OSBPL8: variants seen among roughly 807,000 people sequenced by gnomAD.
OSBPL8 encodes the protein oxysterol binding protein like 8, also known as oxysterol-binding protein-related protein 8.
Under a neutral mutation model 125.5 loss-of-function variants are expected in OSBPL8, and 59 were observed. The ratio of observed to expected loss-of-function variants is 0.47; its 90% CI spans 0.38 to 0.58. OSBPL8 has a LOEUF of 0.58. OSBPL8 is among the 20% of genes least tolerant of loss of function. The pLI, the probability that OSBPL8 is intolerant of heterozygous loss-of-function variation, is 0.00. For missense variants in OSBPL8, 758 were observed against 1,047.8 expected (o/e 0.72, Z 3.82); for synonymous variants, 330 against 338.9 (o/e 0.97, Z 0.29).
intron 1 of OSBPL8, among the ~76,000 whole-genome samples, chr12:76,542,480 C>T (rs1046805829): frequency 1.3e-5 from 2 of 152,216 alleles, no homozygotes; most frequent in Admixed American, 1.3e-4. Flanking sequence ...TCACAATCAT[C>T]TGGAGGGCTT....
intron 21 of OSBPL8, among the ~76,000 whole-genome samples, chr12:76,363,796 T>G (rs1300965735): frequency 1.3e-5 from 2 of 152,146 alleles, no homozygotes; most frequent in Admixed American, 1.3e-4. Flanking sequence ...TACAAGGAAC[T>G]TAAACAAATT....
intron 22 of OSBPL8, among the ~76,000 whole-genome samples, chr12:76,358,469 A>G (rs977336449): frequency 6.6e-6 from 1 of 151,976 alleles, no homozygotes; most frequent in African/African-American, 2.4e-5. Context: ...GGCATGAGCC[A>G]CCACACCCTG....
chr12:76,430,415 G>C (rs1054188534), intron 4 of OSBPL8, among the ~76,000 whole-genome samples: 1 of 152,158 alleles, frequency 6.6e-6, no homozygotes, highest in African/African-American at 2.4e-5. Flanking sequence ...TTTATCTGTT[G>C]AATTCAGTCT....
At chr12:76,481,396 G>T (rs1360460358) in intron 2 of OSBPL8, among the ~76,000 whole-genome samples, 1 of 152,096 alleles carries the variant, frequency 6.6e-6, no homozygotes, top group Non-Finnish European at 1.5e-5. Context: ...GCCAATTATT[G>T]GGAAGTTGTA....
At chr12:76,457,443 C>A (rs1402622363) in intron 3 of OSBPL8, among the ~76,000 whole-genome samples, 1 of 152,078 alleles carries the variant, frequency 6.6e-6, no homozygotes, top group African/African-American at 2.4e-5. Context: ...ATATACCTAA[C>A]CTTTCCTTTA....
At chr12:76,446,512 A>G (rs926268475) in intron 4 of OSBPL8, among the ~76,000 whole-genome samples, 5 of 152,166 alleles carry the variant, frequency 3.3e-5, no homozygotes, top group African/African-American at 1.2e-4. Flanking sequence ...AAGTGCAAAT[A>G]AAGATATGAC....
In OSBPL8 at chr12:76,354,104, A is replaced by G. The variant is rs1249762218; in HGVS notation, c.*1785T>C. ...AATTGTACAATATTTACAGAATATCATATATCAATGAATAGGCAGAGTGTA... is the reference window on the plus strand; with the variant it reads ...AATTGTACAATATTTACAGAATATCGTATATCAATGAATAGGCAGAGTGTA... On this transcript the variant is annotated 3_prime_UTR_variant, in exon 24 of 24. Coordinates refer to ENST00000261183, the MANE Select transcript of OSBPL8 (RefSeq NM_020841.5). The G allele has an allele frequency of 6.6e-6, 1 of 152,410 alleles. No homozygotes were observed. Among genetic ancestry groups the G allele is most frequent in the African/African-American group, 2.4e-5 (1 of 41,462 alleles). 9.4% of individuals were successfully genotyped at this position (152,410 alleles called of 1,614,324 possible).
At position 76,356,797 on chromosome 12, in the gene OSBPL8, G is replaced by A. The variant is rs1308100890; in HGVS notation, c.2435-69C>T. ...TACAGTTCAATTTAATGTGTCTCAT[G>A]TAATAAAAATTTTCCTGGGCATTTG... On this transcript the variant is annotated intron_variant, in intron 22 of 23. Coordinates refer to ENST00000261183, the MANE Select transcript of OSBPL8 (RefSeq NM_020841.5). 6 of 1,086,706 alleles carry A rather than the reference G, an allele frequency of 5.5e-6. No homozygotes were observed. In the Admixed American group the frequency reaches 1.2e-4, roughly 23 times the overall value. 67.3% of individuals were successfully genotyped at this position (1,086,706 alleles called of 1,614,324 possible).
At chr12:76,453,435 C>A (rs1873657647) in intron 3 of OSBPL8, among the ~76,000 whole-genome samples, 2 of 152,028 alleles carry the variant, frequency 1.3e-5, no homozygotes, top group African/African-American at 4.8e-5. Context: ...CTTTCAGAAA[C>A]AGACACATAC....
At chr12:76,460,826 A>G (rs1874632950) in intron 2 of OSBPL8, among the ~76,000 whole-genome samples, 1 of 152,234 alleles carries the variant, frequency 6.6e-6, no homozygotes, top group African/African-American at 2.4e-5. Context: ...ATGCAGTAAC[A>G]GAAACAAAAA....
At chr12:76,516,871 G>A (rs1289502726) in intron 1 of OSBPL8, among the ~76,000 whole-genome samples, 1 of 149,704 alleles carries the variant, frequency 6.7e-6, no homozygotes, top group Admixed American at 6.7e-5. Context: ...CTGGAGTGCA[G>A]TGGCGCAGTA....
chr12:76,399,683 T>C (rs1266642786), intron 7 of OSBPL8, among the ~76,000 whole-genome samples, 190 bp downstream of exon 7: 1 of 152,198 alleles, frequency 6.6e-6, no homozygotes, highest in African/African-American at 2.4e-5. Context: ...AAGAAAGACA[T>C]TAAGATTCCT....
At chr12:76,518,570 C>T (rs954966608) in intron 1 of OSBPL8, among the ~76,000 whole-genome samples, 2 of 152,246 alleles carry the variant, frequency 1.3e-5, no homozygotes, top group Non-Finnish European at 2.9e-5. Flanking sequence ...TTCCCCTCCA[C>T]ACTGCCCTAG....
At chr12:76,423,617 C>G (rs911006672) in intron 4 of OSBPL8, among the ~76,000 whole-genome samples, 31 of 152,268 alleles carry the variant, frequency 2.0e-4, no homozygotes, top group South Asian at 4.1e-4. Context: ...TTAAATCTAA[C>G]AGGTACCATC....
intron 7 of OSBPL8, 149 bp from the exon 8 acceptor site, chr12:76,398,046 C>T: frequency 4.3e-6 from 3 of 699,848 alleles, no homozygotes; most frequent in East Asian, 2.7e-5. Context: ...GCAAGCACAG[C>T]AAACAGACAT....
intron 4 of OSBPL8, among the ~76,000 whole-genome samples, chr12:76,414,529 T>G (rs1868382320): frequency 1.3e-5 from 2 of 148,418 alleles, no homozygotes; most frequent in South Asian, 4.4e-4. Flanking sequence ...CTCAGCTCAC[T>G]GCAGCCTCGA....
intron 2 of OSBPL8, among the ~76,000 whole-genome samples, chr12:76,472,479 C>CG (rs1209021642): frequency 6.6e-6 from 1 of 152,170 alleles, no homozygotes; most frequent in Non-Finnish European, 1.5e-5. Context: ...CAGCTGGGCC[C>CG]GGGGGACCAC....
At chr12:76,465,244 A>C (rs1358094254) in intron 2 of OSBPL8, among the ~76,000 whole-genome samples, 2 of 152,150 alleles carry the variant, frequency 1.3e-5, no homozygotes, top group Non-Finnish European at 2.9e-5. Flanking sequence ...AATATTAATA[A>C]GGGGATCATA....
chr12:76,541,781 G>A (rs915449980), intron 1 of OSBPL8, among the ~76,000 whole-genome samples: 1 of 150,286 alleles, frequency 6.7e-6, no homozygotes, highest in Admixed American at 6.6e-5. Context: ...GTTTGAACCC[G>A]GGAGGTGGAG....
Sources: allele counts gnomAD v4.1 joint callset (sites outside exome capture counted in the v4.1 genomes callset), GRCh38; gene constraint gnomAD v4.1.1; transcripts MANE v1.5; gene names NCBI Gene and HGNC (gene_info 2026-07-23, HGNC 2026-07-21).